GRIA1: variants seen among roughly 807,000 people sequenced by gnomAD.
The protein encoded by GRIA1 is glutamate receptor 1.
GRIA1 carries 31 observed loss-of-function variants against 99.2 expected under a neutral mutation model. That is an observed-to-expected ratio of 0.31 (90% confidence interval 0.23 to 0.42). The LOEUF (loss-of-function observed/expected upper bound fraction) is 0.42. Among genes scored for constraint, GRIA1 ranks in the 10% least tolerant of loss-of-function variants. The pLI is 1.00. For missense variants in GRIA1, 782 were observed against 1,157.5 expected, an observed-to-expected ratio of 0.68 and a Z score of 4.71; for synonymous variants, 438 against 432.4, an observed-to-expected ratio of 1.01 and a Z score of -0.16.
chr5:153,619,403 A>G (rs1766815959), intron 2 of GRIA1, among the ~76,000 whole-genome samples: 1 of 152,198 alleles, frequency 6.6e-6, no homozygotes. Context: ...TAGAAAGACT[A>G]GGTTAGGGCA....
chr5:153,693,915 T>G lies in GRIA1; in HGVS notation c.1135-4129T>G, dbSNP rs150840505. On this transcript the variant is annotated intron_variant, in intron 8 of 15. Transcript: ENST00000285900. ...TCTGTTCAAAAATCTTTGCCAGCTT[T>G]CTTTTCATCAAACTGTGGAACCAGA... Among the ~76,000 whole-genome samples, 629 of 152,316 alleles carry G rather than the reference T, an allele frequency of 4.1e-3. 3 individuals are homozygous for G. Among genetic ancestry groups the G allele is most frequent in the African/African-American group, 0.014 (590 of 41,558 alleles).
At chr5:153,810,395 C>T (rs1333041264) in intron 15 of GRIA1, among the ~76,000 whole-genome samples, 9 of 152,150 alleles carry the variant, frequency 5.9e-5, no homozygotes, top group African/African-American at 1.2e-4. Flanking sequence ...TAACACATGC[C>T]GCTATAGAGG....
intron 2 of GRIA1, among the ~76,000 whole-genome samples, chr5:153,635,387 A>G (rs1753277137): frequency 6.6e-6 from 1 of 152,232 alleles, no homozygotes. Flanking sequence ...AATCTCTCCC[A>G]CAACCCACTT....
chr5:153,607,596 C>T (rs928132277), intron 2 of GRIA1, among the ~76,000 whole-genome samples: 2 of 151,756 alleles, frequency 1.3e-5, no homozygotes, highest in African/African-American at 4.8e-5. Context: ...TTAGGCACCC[C>T]TTAACTGTTC....
intron 11 of GRIA1, among the ~76,000 whole-genome samples, chr5:153,730,935 T>A (rs1760967395): frequency 1.3e-5 from 2 of 152,070 alleles, no homozygotes; most frequent in Non-Finnish European, 2.9e-5. Flanking sequence ...AGGGTTTAGA[T>A]CTCAGATTCC....
chr5:153,536,855 A>C (rs1441309009), intron 2 of GRIA1, among the ~76,000 whole-genome samples: 1 of 152,170 alleles, frequency 6.6e-6, no homozygotes, highest in Non-Finnish European at 1.5e-5. Context: ...CAGTATTGCC[A>C]GTGCCTTCGT....
At chr5:153,557,578 T>C (rs531347082) in intron 2 of GRIA1, among the ~76,000 whole-genome samples, 1 of 152,374 alleles carries the variant, frequency 6.6e-6, no homozygotes, top group South Asian at 2.1e-4. Flanking sequence ...CTTATATCCC[T>C]ATGCTATAAG....
chr5:153,502,437 T>C, intron 2 of GRIA1, among the ~76,000 whole-genome samples: 1 of 152,218 alleles, frequency 6.6e-6, no homozygotes, highest in South Asian at 2.1e-4. Flanking sequence ...GGATGGTTAT[T>C]ACTGTGTAGC....
At chr5:153,713,174 C>G (rs1759441421) in intron 11 of GRIA1, among the ~76,000 whole-genome samples, 1 of 152,196 alleles carries the variant, frequency 6.6e-6, no homozygotes, top group African/African-American at 2.4e-5. Context: ...TGAGCGAGGC[C>G]CTTGGCACAG....
chr5:153,636,869 G>A (rs529148433), intron 2 of GRIA1, among the ~76,000 whole-genome samples: 1 of 152,322 alleles, frequency 6.6e-6, no homozygotes, highest in African/African-American at 2.4e-5. Flanking sequence ...GAAAGCTCTG[G>A]TTTGTGTTGA....
chr5:153,524,553 T>C (rs1201229010), intron 2 of GRIA1, among the ~76,000 whole-genome samples: 1 of 152,226 alleles, frequency 6.6e-6, no homozygotes, highest in African/African-American at 2.4e-5. Context: ...ACTCATTTAA[T>C]TCCAGGCTAG....
At chr5:153,772,861 G>A (rs1763972073) in intron 13 of GRIA1, among the ~76,000 whole-genome samples, 1 of 152,188 alleles carries the variant, frequency 6.6e-6, no homozygotes, top group South Asian at 2.1e-4. Flanking sequence ...AAGGTTTCGT[G>A]AGTCAAGGAC....
At chr5:153,718,394 A>T (rs1438655088) in intron 11 of GRIA1, among the ~76,000 whole-genome samples, 1 of 152,150 alleles carries the variant, frequency 6.6e-6, no homozygotes, top group African/African-American at 2.4e-5. Context: ...AATTACAGGT[A>T]AGACAAAGGG....
chr5:153,644,289 GGATA>G, intron 2 of GRIA1, among the ~76,000 whole-genome samples: 1 of 152,160 alleles, frequency 6.6e-6, no homozygotes, highest in Non-Finnish European at 1.5e-5. Flanking sequence ...TGTGGGCTGT[GGATA>G]GATAGAGTGT....
intron 1 of GRIA1, among the ~76,000 whole-genome samples, 170 bp from the exon 2 acceptor site, chr5:153,493,758 T>G (rs1367345263): frequency 1.3e-5 from 2 of 151,980 alleles, no homozygotes; most frequent in African/African-American, 4.8e-5. Flanking sequence ...TCTGTAGGAG[T>G]TTAAGTTTCA....
At chr5:153,526,534 C>A (rs1757616961) in intron 2 of GRIA1, among the ~76,000 whole-genome samples, 1 of 152,132 alleles carries the variant, frequency 6.6e-6, no homozygotes, top group African/African-American at 2.4e-5. Flanking sequence ...CCAGAAATGT[C>A]TTTAAATATT....
intron 2 of GRIA1, among the ~76,000 whole-genome samples, chr5:153,505,302 G>T (rs529587372): frequency 6.6e-6 from 1 of 152,106 alleles, no homozygotes; most frequent in Non-Finnish European, 1.5e-5. Context: ...GAGCATCGTG[G>T]TAGATGAGAT....
intron 2 of GRIA1, among the ~76,000 whole-genome samples, chr5:153,508,597 T>A (rs562441583): frequency 1.3e-5 from 2 of 152,308 alleles, no homozygotes; most frequent in East Asian, 3.9e-4. Flanking sequence ...GGAGTTTAAA[T>A]GCAATAAAAT....
intron 2 of GRIA1, among the ~76,000 whole-genome samples, chr5:153,533,070 AT>A (rs1404302851): frequency 1.3e-5 from 2 of 152,170 alleles, no homozygotes; most frequent in African/African-American, 4.8e-5. Flanking sequence ...TGTGCATCCA[AT>A]GATACAAACC....
Sources: allele counts gnomAD v4.1 joint callset (sites outside exome capture counted in the v4.1 genomes callset), GRCh38; gene constraint gnomAD v4.1.1; transcripts MANE v1.5; gene names NCBI Gene and HGNC (gene_info 2026-07-23, HGNC 2026-07-21).